TMC1: variants seen among roughly 807,000 people sequenced by gnomAD.
The protein encoded by TMC1 is transmembrane channel like 1.
In TMC1, 84 loss-of-function variants were observed where a neutral mutation model predicts 105.8. The ratio of observed to expected loss-of-function variants is 0.79; its 90% CI spans 0.67 to 0.95. TMC1 has a LOEUF of 0.95. TMC1 is among the 40% of genes least tolerant of loss of function. TMC1 has a pLI of 0.00. For missense variants in TMC1, 817 were observed against 914.1 expected (o/e 0.89, Z 1.37); for synonymous variants, 315 against 311.5 (o/e 1.01, Z -0.12).
intron 12 of TMC1, among the ~76,000 whole-genome samples, chr9:72,766,194 G>A (rs1419468185): frequency 1.3e-5 from 2 of 151,874 alleles, no homozygotes; most frequent in Non-Finnish European, 2.9e-5. Context: ...GAGGTGGGTG[G>A]ATCACAAGGT....
At chr9:72,802,234 CATACATACATACATACATAT>C (rs927986054) in intron 17 of TMC1, among the ~76,000 whole-genome samples, 3 of 147,390 alleles carry the variant, frequency 2.0e-5, no homozygotes, top group Non-Finnish European at 3.0e-5. Flanking sequence ...TCTCTACATA[CATACATACATACATACATAT>C]ATACATACAT....
At chr9:72,548,958 C>T (rs114047330) in intron 1 of TMC1, among the ~76,000 whole-genome samples, 425 of 152,338 alleles carry the variant, frequency 2.8e-3, no homozygotes, top group African/African-American at 9.6e-3. Flanking sequence ...ACTACATCCC[C>T]TCTATCCACC....
At chr9:72,643,059 A>G (rs960862272) in intron 4 of TMC1, among the ~76,000 whole-genome samples, 2 of 152,088 alleles carry the variant, frequency 1.3e-5, no homozygotes, top group Non-Finnish European at 2.9e-5. Flanking sequence ...TGTTATATGT[A>G]TTTAGATTGT....
chr9:72,710,399 T>G (rs930485002), intron 8 of TMC1, among the ~76,000 whole-genome samples: 1 of 152,228 alleles, frequency 6.6e-6, no homozygotes, highest in Non-Finnish European at 1.5e-5. Context: ...TGTTTCTTTG[T>G]TGACTTTCTG....
At chr9:72,612,220 C>T (rs1218175041) in intron 2 of TMC1, among the ~76,000 whole-genome samples, 2 of 152,136 alleles carry the variant, frequency 1.3e-5, no homozygotes, top group Non-Finnish European at 2.9e-5. Context: ...GCCTACATAA[C>T]TTAACCAGTG....
intron 8 of TMC1, among the ~76,000 whole-genome samples, chr9:72,708,277 AT>A (rs928888470): frequency 6.6e-6 from 1 of 151,698 alleles, no homozygotes. Context: ...GAATTTTAGA[AT>A]TTTTTTTCTA....
chr9:72,643,000 T>A (rs2132145455), intron 4 of TMC1, among the ~76,000 whole-genome samples: 1 of 152,342 alleles, frequency 6.6e-6, no homozygotes, highest in East Asian at 1.9e-4. Flanking sequence ...ATGTAGCCTT[T>A]TGAGACAGGC....
At chr9:72,618,319 G>A (rs1191300493) in intron 3 of TMC1, among the ~76,000 whole-genome samples, 1 of 152,014 alleles carries the variant, frequency 6.6e-6, no homozygotes, top group African/African-American at 2.4e-5. Context: ...TACCATGCCT[G>A]CCTGTCTGGA....
chr9:72,548,065 G>C (rs1823801845), intron 1 of TMC1, among the ~76,000 whole-genome samples: 1 of 152,034 alleles, frequency 6.6e-6, no homozygotes, highest in Non-Finnish European at 1.5e-5. Flanking sequence ...CAACCAAAAG[G>C]CTTCATCTCC....
intron 1 of TMC1, among the ~76,000 whole-genome samples, chr9:72,530,621 G>A (rs929782571): frequency 6.7e-5 from 10 of 150,372 alleles, no homozygotes; most frequent in African/African-American, 2.4e-4. Context: ...GGTATTTTCT[G>A]TGCTTCTTGT....
intron 7 of TMC1, among the ~76,000 whole-genome samples, chr9:72,697,596 G>A (rs546451499): frequency 6.6e-6 from 1 of 152,200 alleles, no homozygotes; most frequent in African/African-American, 2.4e-5. Flanking sequence ...TTCTATTAAA[G>A]GGTCTCTGAA....
intron 1 of TMC1, among the ~76,000 whole-genome samples, chr9:72,548,670 C>T (rs1823811285): frequency 6.6e-6 from 1 of 151,282 alleles, no homozygotes. Context: ...CACTGATTGT[C>T]TACAATTGAC....
intron 5 of TMC1, among the ~76,000 whole-genome samples, chr9:72,661,248 C>G (rs1016580444): frequency 2.0e-5 from 3 of 152,216 alleles, no homozygotes; most frequent in African/African-American, 7.2e-5. Context: ...TGCCTGATTC[C>G]TAGAGTCTCA....
At chr9:72,741,651 GA>G (rs1827392047) in intron 9 of TMC1, 1 of 154,004 alleles carries the variant, frequency 6.5e-6, no homozygotes, top group Non-Finnish European at 1.4e-5. Context: ...AGGCAGATGG[GA>G]AAAAAAGCGT....
intron 2 of TMC1, among the ~76,000 whole-genome samples, chr9:72,592,305 A>G (rs1232263529): frequency 1.3e-5 from 2 of 152,216 alleles, no homozygotes; most frequent in South Asian, 4.1e-4. Flanking sequence ...GCAGGAACAT[A>G]TATGTGGAAC....
At chr9:72,685,594 C>T (rs1241732227) in intron 5 of TMC1, among the ~76,000 whole-genome samples, 2 of 151,940 alleles carry the variant, frequency 1.3e-5, no homozygotes, top group Non-Finnish European at 2.9e-5. Context: ...AAACTCCTGA[C>T]CTCAAGTGAT....
chr9:72,609,775 T>C (rs1205071476), intron 2 of TMC1, among the ~76,000 whole-genome samples: 1 of 152,160 alleles, frequency 6.6e-6, no homozygotes, highest in African/African-American at 2.4e-5. Context: ...ATTCAAGCAC[T>C]TCCTTTTTAC....
chr9:72,689,319 G>A (rs577074625), intron 6 of TMC1, among the ~76,000 whole-genome samples: 13 of 152,230 alleles, frequency 8.5e-5, no homozygotes, highest in Non-Finnish European at 1.9e-4. Flanking sequence ...TAGGTCGGAT[G>A]ATTTCTTGAT....
intron 4 of TMC1, among the ~76,000 whole-genome samples, chr9:72,637,305 T>C (rs1444835): frequency 0.23 from 35,060 of 151,142 alleles, 4,354 homozygotes; most frequent in East Asian, 0.39. Flanking sequence ...TTGTTCTGAG[T>C]ACTGGACTTT....
Sources: gnomAD v4.1 joint callset for allele counts (sites outside exome capture counted in the v4.1 genomes callset) on GRCh38, gnomAD v4.1.1 for gene constraint, MANE v1.5 for transcripts, NCBI Gene and HGNC (gene_info 2026-07-23, HGNC 2026-07-21) for gene names.